KCNJ6: variants seen among roughly 807,000 people sequenced by gnomAD.
KCNJ6 encodes potassium inwardly rectifying channel subfamily J member 6, also known as G protein-activated inward rectifier potassium channel 2.
Under a neutral mutation model 34.2 loss-of-function variants are expected in KCNJ6, and 9 were observed. The observed-to-expected ratio is 0.26, with a 90% CI of 0.16 to 0.46. KCNJ6 has a LOEUF of 0.46. Ranked by LOEUF, KCNJ6 falls within the 20% of genes least tolerant of loss-of-function variation. The probability of loss-of-function intolerance (pLI) is 1.00; values close to 1 mark genes in which losing one functional copy is unlikely to be tolerated. For synonymous variants in KCNJ6, 196 were observed against 207.1 expected (o/e 0.95, Z 0.46); for missense variants, 236 against 531.3 (o/e 0.44, Z 5.46).
intron 1 of KCNJ6, among the ~76,000 whole-genome samples, chr21:37,910,311 C>T (rs903127622): frequency 3.3e-5 from 5 of 152,084 alleles, no homozygotes; most frequent in African/African-American, 9.7e-5. Flanking sequence ...GGAGCAACAC[C>T]GCCTACCAAG....
chr21:37,901,944 T>G (rs183527530), intron 1 of KCNJ6, among the ~76,000 whole-genome samples: 33 of 150,628 alleles, frequency 2.2e-4, no homozygotes, highest in African/African-American at 8.0e-4. Context: ...AACTAATTTG[T>G]TTTTTTTAAT....
In KCNJ6 at chr21:37,830,420, C is replaced by T. The variant is rs140218712; in HGVS notation, c.25+10238G>A. On this transcript the variant is annotated intron_variant, in intron 2 of 3. Transcript: ENST00000609713. The stretch of plus-strand genomic sequence containing the variant: ...CATCTACAGCATTGATTTTCAACTA[C>T]TCCCCTGGGGGTGACTTTGCTCCCC... Among the ~76,000 whole-genome samples the T allele has an allele frequency of 6.8e-3, 1,040 of 152,256 alleles. 6 individuals carry two copies. The highest frequency in any genetic ancestry group is 0.023 in the African/African-American group (942 of 41,546).
intron 3 of KCNJ6, among the ~76,000 whole-genome samples, chr21:37,661,036 G>C (rs1225216517): frequency 6.6e-6 from 1 of 152,104 alleles, no homozygotes; most frequent in Non-Finnish European, 1.5e-5. Context: ...AAATACAATT[G>C]AATATTGTAA....
intron 1 of KCNJ6, among the ~76,000 whole-genome samples, chr21:37,893,438 C>T (rs991008573): frequency 1.7e-4 from 26 of 152,032 alleles, no homozygotes; most frequent in African/African-American, 6.3e-4. Context: ...GAACTCCTGA[C>T]CTTGTGATCC....
intron 3 of KCNJ6, among the ~76,000 whole-genome samples, chr21:37,694,369 G>A (rs1251429508): frequency 6.6e-6 from 1 of 152,202 alleles, no homozygotes; most frequent in Non-Finnish European, 1.5e-5. Flanking sequence ...AATAGAGAAG[G>A]GGCATGGCCA....
intron 1 of KCNJ6, among the ~76,000 whole-genome samples, chr21:37,893,157 T>C (rs1309467522): frequency 2.6e-5 from 4 of 151,032 alleles, no homozygotes; most frequent in African/African-American, 9.7e-5. Context: ...CCCGGCCGGT[T>C]TCTTTCATAG....
chr21:37,797,513 G>A (rs2055249175), intron 2 of KCNJ6, among the ~76,000 whole-genome samples: 1 of 152,206 alleles, frequency 6.6e-6, no homozygotes, highest in Non-Finnish European at 1.5e-5. Flanking sequence ...TTATACGGCT[G>A]TATTTCCCTG....
intron 2 of KCNJ6, among the ~76,000 whole-genome samples, chr21:37,837,780 T>C (rs1482272677): frequency 6.6e-6 from 1 of 152,116 alleles, no homozygotes; most frequent in Non-Finnish European, 1.5e-5. Context: ...GTGTGGTAAT[T>C]ATATGTTAAT....
intron 3 of KCNJ6, among the ~76,000 whole-genome samples, chr21:37,668,262 A>G (rs1283125141): frequency 6.6e-6 from 1 of 152,098 alleles, no homozygotes; most frequent in African/African-American, 2.4e-5. Context: ...GCCCCACGTG[A>G]GGAGTTGGAG....
intron 3 of KCNJ6, among the ~76,000 whole-genome samples, chr21:37,709,191 CATT>C (rs1320004199): frequency 1.3e-5 from 2 of 152,196 alleles, no homozygotes; most frequent in Non-Finnish European, 2.9e-5. Context: ...ATTGAGGGCA[CATT>C]AATACCAGTC....
chr21:37,734,714 G>A (rs1037364213), intron 2 of KCNJ6, among the ~76,000 whole-genome samples: 8 of 152,054 alleles, frequency 5.3e-5, no homozygotes, highest in African/African-American at 1.2e-4. Flanking sequence ...TGGGAAGGAG[G>A]GGGTGACATG....
At chr21:37,663,487 A>G (rs1207547320) in intron 3 of KCNJ6, among the ~76,000 whole-genome samples, 1 of 152,098 alleles carries the variant, frequency 6.6e-6, no homozygotes, top group Non-Finnish European at 1.5e-5. Context: ...CCAGCTACAT[A>G]CTGTTTACAA....
Position 37,667,658 on chromosome 21 carries a change from G to A in KCNJ6, c.947-42174C>T, listed in dbSNP as rs535722529. Among the ~76,000 whole-genome samples, 11 of 151,710 alleles carry A rather than the reference G, an allele frequency of 7.3e-5. No homozygotes were observed. In the East Asian group the frequency reaches 2.1e-3, roughly 29 times the overall value. Reference sequence around the variant, plus strand: ...TAGCAGGTCCAGGGTAGCAGGCGCCGGGTAGCAGGTCCGGGGTAGCGGGCT... The same window carrying A: ...TAGCAGGTCCAGGGTAGCAGGCGCCAGGTAGCAGGTCCGGGGTAGCGGGCT... On this transcript the variant is annotated intron_variant, in intron 3 of 3. Transcript: ENST00000609713.
intron 2 of KCNJ6, among the ~76,000 whole-genome samples, chr21:37,781,385 T>C (rs977461115): frequency 6.6e-6 from 1 of 152,172 alleles, no homozygotes; most frequent in Non-Finnish European, 1.5e-5. Context: ...GTGTTAGATT[T>C]AGAAAGAAGG....
chr21:37,848,344 T>C (rs1478540266), intron 1 of KCNJ6, among the ~76,000 whole-genome samples: 1 of 152,212 alleles, frequency 6.6e-6, no homozygotes, highest in Non-Finnish European at 1.5e-5. Context: ...ACTGATATAC[T>C]CAGTTAAAGT....
intron 2 of KCNJ6, among the ~76,000 whole-genome samples, chr21:37,817,198 G>A (rs2055350902): frequency 6.6e-6 from 1 of 152,182 alleles, no homozygotes; most frequent in African/African-American, 2.4e-5. Flanking sequence ...ATCACGGCGA[G>A]GTGCTACAGC....
chr21:37,717,066 A>T (rs1039912359), intron 2 of KCNJ6: 3 of 154,182 alleles, frequency 1.9e-5, no homozygotes, highest in African/African-American at 7.2e-5. Context: ...AACCTTGCTC[A>T]TGGATGATCA....
In KCNJ6 at chr21:37,729,973, C is replaced by A. The variant is rs543417412; in HGVS notation, c.26-14842G>T. ...AGGCCCAGGGAAGCCAACAGATTTG[C>A]CAGGAGGCAGAGCTGGAGTGAGCTC... is the stretch of plus-strand genomic sequence containing the variant. On this transcript the variant is annotated intron_variant, in intron 2 of 3. Coordinates refer to ENST00000609713, the MANE Select transcript of KCNJ6 (RefSeq NM_002240.5). Among the ~76,000 whole-genome samples the A allele has an allele frequency of 3.3e-5, 5 of 152,296 alleles. No homozygotes were observed. The South Asian group carries it at 1.0e-3, about 32-fold the overall frequency.
Position 37,624,844 on chromosome 21 carries a change from G to A in KCNJ6, c.*315C>T, listed in dbSNP as rs1476503755. The A allele has an allele frequency of 2.8e-6, 1 of 356,332 alleles. No homozygotes were observed. Among genetic ancestry groups the A allele is most frequent in the East Asian group, 5.9e-5 (1 of 16,812 alleles). The allele number at this position is 356,332 out of a possible 1,614,324, so 22.1% of individuals were successfully genotyped here. A position where few individuals can be genotyped will look rare whatever the true frequency, so the allele number is the denominator to read the frequency against. ...TTGACACACCTTTTTGAGTGATCTG[G>A]TATTGTACAACACATGCAGGTAAGT... On this transcript the variant is annotated 3_prime_UTR_variant, in exon 4 of 4. Coordinates refer to ENST00000609713, the MANE Select transcript of KCNJ6 (RefSeq NM_002240.5).
Sources: gnomAD v4.1 joint callset for allele counts (sites outside exome capture counted in the v4.1 genomes callset) on GRCh38, gnomAD v4.1.1 for gene constraint, MANE v1.5 for transcripts, NCBI Gene and HGNC (gene_info 2026-07-23, HGNC 2026-07-21) for gene names.